The following NKAIN2 variants were observed in gnomAD, a reference collection of about 807,000 sequenced individuals.
NKAIN2 encodes the protein sodium/potassium-transporting ATPase subunit beta-1-interacting protein 2.
NKAIN2 carries 14 observed loss-of-function variants against 32.6 expected under a neutral mutation model. That is an observed-to-expected ratio of 0.43 (90% CI 0.28 to 0.67). The LOEUF is 0.67. NKAIN2 is among the 30% of genes least tolerant of loss of function. The pLI is 0.17. For synonymous variants in NKAIN2, 80 were observed against 87.2 expected (o/e 0.92, Z 0.46); for missense variants, 198 against 258.3 (o/e 0.77, Z 1.60).
At chr6:124,418,778 G>C (rs1479572419) in intron 3 of NKAIN2, among the ~76,000 whole-genome samples, 1 of 151,582 alleles carries the variant, frequency 6.6e-6, no homozygotes, top group Non-Finnish European at 1.5e-5. Context: ...AGTACTGATT[G>C]TTGATGTCCT....
intron 4 of NKAIN2, among the ~76,000 whole-genome samples, chr6:124,687,140 A>ATATC (rs1773933538): frequency 6.7e-6 from 1 of 149,136 alleles, no homozygotes; most frequent in Admixed American, 6.8e-5. Flanking sequence ...CCTTAAATAT[A>ATATC]TATATATATG....
At chr6:124,228,992 A>T (rs192600444) in intron 1 of NKAIN2, among the ~76,000 whole-genome samples, 2 of 152,320 alleles carry the variant, frequency 1.3e-5, no homozygotes, top group Non-Finnish European at 2.9e-5. Context: ...CTGAGAGATC[A>T]TATAATACTG....
At chr6:124,017,448 A>G (rs1044176482) in intron 1 of NKAIN2, among the ~76,000 whole-genome samples, 1 of 151,956 alleles carries the variant, frequency 6.6e-6, no homozygotes, top group South Asian at 2.1e-4. Context: ...TTTCACATTA[A>G]CTCTAAAGTA....
At chr6:124,050,897 G>A (rs569664506) in intron 1 of NKAIN2, among the ~76,000 whole-genome samples, 3 of 151,952 alleles carry the variant, frequency 2.0e-5, no homozygotes, top group Admixed American at 6.6e-5. Context: ...TTGGGAATTT[G>A]GCAGATGATT....
At chr6:124,421,873 G>T (rs1562173981) in intron 3 of NKAIN2, among the ~76,000 whole-genome samples, 3 of 152,178 alleles carry the variant, frequency 2.0e-5, no homozygotes, top group Non-Finnish European at 4.4e-5. Flanking sequence ...GTGATTTTAG[G>T]AAGAAAGGGA....
chr6:124,368,892 C>G (rs1312507299), intron 3 of NKAIN2, among the ~76,000 whole-genome samples: 2 of 152,226 alleles, frequency 1.3e-5, no homozygotes, highest in East Asian at 1.9e-4. Flanking sequence ...AGATCAAAAG[C>G]TTTGGTTTCA....
chr6:123,870,054 TAA>T (rs1772787194), intron 1 of NKAIN2, among the ~76,000 whole-genome samples: 1 of 152,220 alleles, frequency 6.6e-6, no homozygotes, highest in Non-Finnish European at 1.5e-5. Flanking sequence ...GCTCAGATTC[TAA>T]ATCTGTAATT....
At chr6:123,902,286 G>A (rs1774631732) in intron 1 of NKAIN2, among the ~76,000 whole-genome samples, 1 of 152,156 alleles carries the variant, frequency 6.6e-6, no homozygotes, top group African/African-American at 2.4e-5. Context: ...GTGGAAATGA[G>A]TGGCCTGTGA....
At chr6:124,213,357 G>T (rs567837814) in intron 1 of NKAIN2, among the ~76,000 whole-genome samples, 1 of 152,062 alleles carries the variant, frequency 6.6e-6, no homozygotes, top group African/African-American at 2.4e-5. Context: ...AAATTAAATT[G>T]GTTCCCGGAG....
At chr6:124,402,590 T>C (rs1375380838) in intron 3 of NKAIN2, among the ~76,000 whole-genome samples, 7 of 152,240 alleles carry the variant, frequency 4.6e-5, no homozygotes, top group Non-Finnish European at 8.8e-5. Context: ...ATGTGGTACA[T>C]GTGCACCATG....
At chr6:124,478,896 C>T (rs1170849889) in intron 3 of NKAIN2, among the ~76,000 whole-genome samples, 1 of 152,158 alleles carries the variant, frequency 6.6e-6, no homozygotes, top group East Asian at 1.9e-4. Flanking sequence ...ACCTGAAAAA[C>T]ATCACTTTAG....
chr6:123,875,489 T>A (rs1773129992), intron 1 of NKAIN2, among the ~76,000 whole-genome samples: 1 of 152,066 alleles, frequency 6.6e-6, no homozygotes, highest in African/African-American at 2.4e-5. Flanking sequence ...TTTTTACACA[T>A]GCTTCTTATT....
At chr6:124,726,525 A>T (rs1192491200) in intron 4 of NKAIN2, among the ~76,000 whole-genome samples, 2 of 150,976 alleles carry the variant, frequency 1.3e-5, no homozygotes, top group Non-Finnish European at 2.9e-5. Flanking sequence ...ACTAACAAAC[A>T]GAAAGGACAT....
intron 1 of NKAIN2, among the ~76,000 whole-genome samples, chr6:123,961,568 C>G (rs1777853956): frequency 6.6e-6 from 1 of 152,064 alleles, no homozygotes; most frequent in South Asian, 2.1e-4. Context: ...ATTTACTTGC[C>G]AGAATATTCA....
At chr6:124,415,626 G>T (rs1313296623) in intron 3 of NKAIN2, among the ~76,000 whole-genome samples, 1 of 152,098 alleles carries the variant, frequency 6.6e-6, no homozygotes, top group Non-Finnish European at 1.5e-5. Context: ...TGATTGGAGG[G>T]TGAGACTGAA....
intron 1 of NKAIN2, among the ~76,000 whole-genome samples, chr6:124,065,300 C>G (rs981631415): frequency 6.6e-6 from 1 of 152,138 alleles, no homozygotes; most frequent in South Asian, 2.1e-4. Context: ...TATGCACTCA[C>G]TAGCTGCCTT....
intron 3 of NKAIN2, among the ~76,000 whole-genome samples, chr6:124,555,815 C>T (rs2114878428): frequency 6.6e-6 from 1 of 152,272 alleles, no homozygotes; most frequent in East Asian, 1.9e-4. Context: ...TATGCTCTTA[C>T]TAGGGTAACA....
intron 3 of NKAIN2, among the ~76,000 whole-genome samples, chr6:124,465,265 A>C (rs1222179789): frequency 6.6e-6 from 1 of 152,134 alleles, no homozygotes; most frequent in Non-Finnish European, 1.5e-5. Context: ...GGATAAAGAC[A>C]ATGTGGCACA....
intron 5 of NKAIN2, among the ~76,000 whole-genome samples, chr6:124,791,714 C>T (rs1779756170): frequency 6.6e-6 from 1 of 152,080 alleles, no homozygotes; most frequent in Non-Finnish European, 1.5e-5. Context: ...TAAAATGTGG[C>T]TAACTTGACC....
Sources: gnomAD v4.1 joint callset for allele counts (sites outside exome capture counted in the v4.1 genomes callset) on GRCh38, gnomAD v4.1.1 for gene constraint, MANE v1.5 for transcripts, NCBI Gene and HGNC (gene_info 2026-07-23, HGNC 2026-07-21) for gene names.